Variants in RGS6 observed in about 807,000 individuals in gnomAD.
The protein encoded by RGS6 is regulator of G-protein signaling 6.
Under a neutral mutation model 78.5 loss-of-function variants are expected in RGS6, and 30 were observed. That is an observed-to-expected ratio of 0.38 (90% confidence interval 0.29 to 0.52). The LOEUF (loss-of-function observed/expected upper bound fraction) is 0.52. Among genes scored for constraint, RGS6 ranks in the 20% least tolerant of loss-of-function variants. The probability of loss-of-function intolerance (pLI) is 0.85; values close to 1 mark genes in which losing one functional copy is unlikely to be tolerated. For missense variants in RGS6, 495 were observed against 609.7 expected (o/e 0.81, Z 1.98); for synonymous variants, 206 against 206.0 (o/e 1.00, Z 0.00).
chr14:72,157,091 T>G (rs1478806427), intron 2 of RGS6, among the ~76,000 whole-genome samples: 2 of 152,204 alleles, frequency 1.3e-5, no homozygotes, highest in Admixed American at 6.5e-5. Context: ...CAAACCCAGG[T>G]TGATCATACC....
chr14:72,413,291 C>T (rs2093565858), intron 3 of RGS6, among the ~76,000 whole-genome samples: 1 of 152,232 alleles, frequency 6.6e-6, no homozygotes, highest in African/African-American at 2.4e-5. Flanking sequence ...GTTAGTTCTT[C>T]TTGTTGAATT....
the RGS6 span, among the ~76,000 whole-genome samples, chr14:72,580,461 T>C: frequency 1.3e-5 from 2 of 152,042 alleles, no homozygotes; most frequent in African/African-American, 2.4e-5. Context: ...AAGTGCACTT[T>C]AGAAATTAGC....
chr14:72,055,371 T>G (rs973852305), intron 2 of RGS6, among the ~76,000 whole-genome samples: 7 of 152,226 alleles, frequency 4.6e-5, no homozygotes, highest in African/African-American at 9.6e-5. Context: ...AAGTATTTTA[T>G]CTATCCCTTA....
chr14:72,021,025 C>A (rs1157515699), intron 2 of RGS6, among the ~76,000 whole-genome samples: 1 of 152,204 alleles, frequency 6.6e-6, no homozygotes, highest in Non-Finnish European at 1.5e-5. Flanking sequence ...ATTTCTTCCT[C>A]CTTGTGTCTT....
downstream of RGS6, among the ~76,000 whole-genome samples, chr14:72,567,379 G>T (rs1408946163): frequency 1.3e-5 from 2 of 152,184 alleles, no homozygotes; most frequent in African/African-American, 4.8e-5. Flanking sequence ...AACCCAAGCT[G>T]CGCCTGCCTT....
At chr14:72,460,652 C>A (rs911845224) in intron 6 of RGS6, among the ~76,000 whole-genome samples, 1 of 152,186 alleles carries the variant, frequency 6.6e-6, no homozygotes, top group African/African-American at 2.4e-5. Flanking sequence ...CCTTTGCATG[C>A]ATCCTTGCTG....
intron 2 of RGS6, among the ~76,000 whole-genome samples, chr14:72,297,208 A>G (rs933936341): frequency 2.0e-5 from 3 of 152,104 alleles, no homozygotes; most frequent in Non-Finnish European, 4.4e-5. Context: ...AGATAGAGTA[A>G]GTCCTTCAAC....
At chr14:71,971,146 T>C (rs2093778942) in intron 2 of RGS6, among the ~76,000 whole-genome samples, 1 of 152,174 alleles carries the variant, frequency 6.6e-6, no homozygotes, top group Non-Finnish European at 1.5e-5. Flanking sequence ...GTTTAGACAT[T>C]GTAAAAGTAT....
intron 2 of RGS6, among the ~76,000 whole-genome samples, chr14:72,164,430 G>A (rs12881570): frequency 1.4e-4 from 22 of 152,158 alleles, no homozygotes; most frequent in East Asian, 3.9e-4. Flanking sequence ...GAGGTCGGGC[G>A]GAGAAAGGAA....
At chr14:72,011,291 G>T (rs1183677975) in intron 2 of RGS6, among the ~76,000 whole-genome samples, 1 of 152,090 alleles carries the variant, frequency 6.6e-6, no homozygotes, top group Non-Finnish European at 1.5e-5. Context: ...GTTTCAAAGG[G>T]TTCTAGTCCT....
chr14:72,308,707 A>G (rs994306833), intron 2 of RGS6, among the ~76,000 whole-genome samples: 8 of 152,236 alleles, frequency 5.3e-5, no homozygotes, highest in Non-Finnish European at 1.0e-4. Context: ...GCCATGAGTA[A>G]TAAATGTAAG....
the RGS6 span, among the ~76,000 whole-genome samples, chr14:71,873,231 T>A: frequency 5.9e-5 from 9 of 152,320 alleles, no homozygotes; most frequent in African/African-American, 1.9e-4. Context: ...TCTTCCACAA[T>A]GGTTAAACTA....
At chr14:72,461,221 C>T (rs996500760) in intron 6 of RGS6, among the ~76,000 whole-genome samples, 1 of 152,106 alleles carries the variant, frequency 6.6e-6, no homozygotes, top group African/African-American at 2.4e-5. Context: ...CAACGTGTGC[C>T]CTTGTGAATG....
chr14:72,401,118 T>C (rs567284267), intron 3 of RGS6, among the ~76,000 whole-genome samples: 1 of 152,240 alleles, frequency 6.6e-6, no homozygotes, highest in Non-Finnish European at 1.5e-5. Context: ...ATAAATCTTA[T>C]GTTCAGTCTT....
intron 2 of RGS6, among the ~76,000 whole-genome samples, chr14:71,979,517 A>G (rs2094335127): frequency 6.6e-6 from 1 of 152,006 alleles, no homozygotes; most frequent in African/African-American, 2.4e-5. Flanking sequence ...TCATTTCGTT[A>G]TGTACCCAGT....
chr14:72,442,849 A>G (rs1013613196), intron 3 of RGS6, among the ~76,000 whole-genome samples: 1 of 152,210 alleles, frequency 6.6e-6, no homozygotes, highest in Admixed American at 6.5e-5. Flanking sequence ...GCTGGGATGG[A>G]GAAAGAGGAA....
intron 2 of RGS6, among the ~76,000 whole-genome samples, chr14:72,232,085 C>T (rs1463666080): frequency 6.6e-6 from 1 of 152,136 alleles, no homozygotes; most frequent in Admixed American, 6.5e-5. Context: ...GTAATCCAGG[C>T]AAGAAGAATT....
intron 1 of RGS6, among the ~76,000 whole-genome samples, chr14:71,957,077 T>C (rs553960994): frequency 1.3e-5 from 2 of 152,216 alleles, no homozygotes; most frequent in South Asian, 2.1e-4. Context: ...CCATGTGAGA[T>C]AGTGACTCAG....
intron 2 of RGS6, among the ~76,000 whole-genome samples, chr14:72,238,158 T>G (rs1197153822): frequency 6.6e-6 from 1 of 152,192 alleles, no homozygotes; most frequent in African/African-American, 2.4e-5. Flanking sequence ...AAAGTTGTTC[T>G]CTTTGAAGTT....
Sources: gnomAD v4.1 joint callset for allele counts (sites outside exome capture counted in the v4.1 genomes callset) on GRCh38, gnomAD v4.1.1 for gene constraint, MANE v1.5 for transcripts, NCBI Gene and HGNC (gene_info 2026-07-23, HGNC 2026-07-21) for gene names.